Variants in PLCL1 observed in about 807,000 individuals in gnomAD.
PLCL1 encodes phospholipase C like 1 (inactive).
A neutral mutation model predicts 84.4 loss-of-function variants in PLCL1; 41 were observed. The ratio of observed to expected loss-of-function variants is 0.49; its 90% CI spans 0.38 to 0.63. The LOEUF (loss-of-function observed/expected upper bound fraction) is 0.63. Ranked by LOEUF, PLCL1 falls within the 30% of genes least tolerant of loss-of-function variation. PLCL1 has a pLI of 0.00. For synonymous variants in PLCL1, 490 were observed against 488.3 expected (o/e 1.00, Z -0.05); for missense variants, 1,206 against 1,367.8 (o/e 0.88, Z 1.87).
At chr2:198,046,758 G>T (rs1358467443) in intron 1 of PLCL1, among the ~76,000 whole-genome samples, 1 of 152,144 alleles carries the variant, frequency 6.6e-6, no homozygotes. Context: ...AGAATCATCT[G>T]AGCTTGGAAA....
intron 3 of PLCL1, among the ~76,000 whole-genome samples, chr2:198,091,509 G>A (rs954043972): frequency 7.3e-5 from 11 of 151,426 alleles, no homozygotes; most frequent in South Asian, 2.1e-4. Context: ...GTGAAACCCC[G>A]TCTCTACTAA....
Position 197,998,306 on chromosome 2 carries a change from T to C in PLCL1, c.241-85452T>C, listed in dbSNP as rs113620394. Among the ~76,000 whole-genome samples, 507 of 151,920 alleles carry C rather than the reference T, an allele frequency of 3.3e-3. 3 individuals carry two copies. Among genetic ancestry groups the C allele is most frequent in the African/African-American group, 0.012 (492 of 41,400 alleles). On this transcript the variant is annotated intron_variant, in intron 1 of 5. Transcript: ENST00000428675. ...AAAGTTTGGGATAAGAAATGATAAC[T>C]GGGAAGAGCCAGACATCGAATGCAA...
intron 1 of PLCL1, among the ~76,000 whole-genome samples, chr2:197,978,783 GAC>G (rs1052443748): frequency 1.3e-5 from 2 of 152,162 alleles, no homozygotes; most frequent in Admixed American, 1.3e-4. Flanking sequence ...GGTGCACTCA[GAC>G]ACACACCCAC....
chr2:198,112,793 A>G (rs1318932225), intron 5 of PLCL1, among the ~76,000 whole-genome samples: 1 of 151,912 alleles, frequency 6.6e-6, no homozygotes, highest in Non-Finnish European at 1.5e-5. Flanking sequence ...GATGAAGCCA[A>G]AATTGAGGGT....
chr2:197,835,956 G>A (rs1199030424), intron 1 of PLCL1, among the ~76,000 whole-genome samples: 5 of 152,036 alleles, frequency 3.3e-5, no homozygotes, highest in African/African-American at 9.7e-5. Context: ...TTCCCAGGTT[G>A]GTCCATGGTA....
At chr2:198,100,627 T>C (rs1472122729) in intron 3 of PLCL1, among the ~76,000 whole-genome samples, 54 of 152,006 alleles carry the variant, frequency 3.6e-4, no homozygotes, top group Non-Finnish European at 1.5e-5. Context: ...AGGGAGAAAA[T>C]GACAAAGCCA....
chr2:197,928,797 G>A (rs1372428131), intron 1 of PLCL1, among the ~76,000 whole-genome samples: 1 of 152,070 alleles, frequency 6.6e-6, no homozygotes, highest in Admixed American at 6.6e-5. Flanking sequence ...TCATAACTTA[G>A]ATATTACAAT....
intron 1 of PLCL1, among the ~76,000 whole-genome samples, chr2:197,828,908 G>A (rs1574900618): frequency 6.6e-6 from 1 of 152,140 alleles, no homozygotes; most frequent in African/African-American, 2.4e-5. Flanking sequence ...TACACAGGCT[G>A]CCAGCTGATT....
intron 1 of PLCL1, among the ~76,000 whole-genome samples, chr2:197,997,996 G>A (rs184103026): frequency 1.4e-4 from 21 of 152,292 alleles, no homozygotes; most frequent in African/African-American, 5.1e-4. Context: ...TGGTAAAGGA[G>A]TTGCCAAGGG....
chr2:198,061,052 C>T (rs1389597679), intron 1 of PLCL1, among the ~76,000 whole-genome samples: 1 of 152,120 alleles, frequency 6.6e-6, no homozygotes, highest in East Asian at 1.9e-4. Flanking sequence ...GAAGTAAGGA[C>T]TGCAAATCAA....
At chr2:198,081,801 C>T (rs774233985) in intron 1 of PLCL1, among the ~76,000 whole-genome samples, 1 of 152,062 alleles carries the variant, frequency 6.6e-6, no homozygotes, top group Non-Finnish European at 1.5e-5. Context: ...CCTGTCTTTT[C>T]TGAATCATAG....
At chr2:197,982,556 T>G (rs1690130219) in intron 1 of PLCL1, among the ~76,000 whole-genome samples, 2 of 152,336 alleles carry the variant, frequency 1.3e-5, no homozygotes, top group African/African-American at 4.8e-5. Context: ...TGAATCCACA[T>G]TCTGTTTCCA....
At chr2:197,923,216 C>T (rs1297980610) in intron 1 of PLCL1, among the ~76,000 whole-genome samples, 2 of 145,572 alleles carry the variant, frequency 1.4e-5, no homozygotes, top group Non-Finnish European at 3.1e-5. Flanking sequence ...GCTGACCCCC[C>T]ACCTCCCTCC....
chr2:198,085,386 T>G lies in PLCL1; in HGVS notation c.1869T>G (p.Ile623Met), dbSNP rs765578073. 1 of 1,611,634 alleles carries G rather than the reference T, an allele frequency of 6.2e-7. No homozygotes were observed. Among genetic ancestry groups the G allele is most frequent in the Non-Finnish European group, 8.5e-7 (1 of 1,178,160 alleles). The change falls in exon 2 of 6, where the codon ATT (isoleucine) becomes ATG (methionine). Residue 623 changes from isoleucine to methionine, a missense_variant. Ile to Met is a conservative substitution (Grantham distance 10). Coordinates refer to ENST00000428675, the MANE Select transcript of PLCL1 (RefSeq NM_006226.4). The surrounding 1 kb of genome is among the most constrained non-coding windows in gnomAD (Gnocchi z 5.3). ...TTAGTGAAACAGAGGCCAGCCGCAT[T>G]GCAAATGAGTACCCAGAGGATTTTG... The part of the protein sequence containing the change: ...CSFSETEASR[I>M]ANEYPEDFVN...
At chr2:198,055,001 C>A (rs1692027441) in intron 1 of PLCL1, among the ~76,000 whole-genome samples, 1 of 151,986 alleles carries the variant, frequency 6.6e-6, no homozygotes, top group Non-Finnish European at 1.5e-5. Context: ...AGAAGGTGCA[C>A]ATTATATGGC....
chr2:197,817,455 T>A lies in PLCL1; in HGVS notation c.240+12116T>A, dbSNP rs573033676. Among the ~76,000 whole-genome samples the A allele has an allele frequency of 3.3e-5, 5 of 152,172 alleles. No homozygotes were observed. In the East Asian group the frequency reaches 9.7e-4, roughly 29 times the overall value. ...CAGGAGGTAACATTTATTTTATTTTTTTTAGTAGAGATGGGGGTTTTGCTG... is the reference window on the plus strand; with the variant it reads ...CAGGAGGTAACATTTATTTTATTTTATTTAGTAGAGATGGGGGTTTTGCTG... On this transcript the variant is annotated intron_variant, in intron 1 of 5. Coordinates refer to ENST00000428675, the MANE Select transcript of PLCL1 (RefSeq NM_006226.4).
chr2:197,895,906 C>G (rs1192283981), intron 1 of PLCL1, among the ~76,000 whole-genome samples: 7 of 151,942 alleles, frequency 4.6e-5, no homozygotes, highest in African/African-American at 1.7e-4. Flanking sequence ...TTGAACTGAT[C>G]ATCTTTCGAT....
At chr2:197,919,455 T>A (rs1196106677) in intron 1 of PLCL1, among the ~76,000 whole-genome samples, 1 of 152,188 alleles carries the variant, frequency 6.6e-6, no homozygotes, top group Non-Finnish European at 1.5e-5. Flanking sequence ...ATCAAGATAG[T>A]TATTGGAAGC....
intron 4 of PLCL1, among the ~76,000 whole-genome samples, chr2:198,103,267 T>C (rs1046841416): frequency 6.6e-6 from 1 of 152,056 alleles, no homozygotes; most frequent in Non-Finnish European, 1.5e-5. Context: ...TTCTTACTTA[T>C]TTACTTATTA....
Sources: gnomAD v4.1 joint callset for allele counts (sites outside exome capture counted in the v4.1 genomes callset) on GRCh38, gnomAD v4.1.1 for gene constraint, Gnocchi (gnomAD v3.1) non-coding constraint, MANE v1.5 for transcripts, NCBI Gene and HGNC (gene_info 2026-07-23, HGNC 2026-07-21) for gene names.